Variants in RXRA observed in about 807,000 individuals in gnomAD.
RXRA encodes the protein retinoid X receptor alpha.
A neutral mutation model predicts 44.5 loss-of-function variants in RXRA; 5 were observed. The observed-to-expected ratio is 0.11, with a 90% CI of 0.06 to 0.24. The LOEUF (loss-of-function observed/expected upper bound fraction) is 0.24. Ranked by LOEUF, RXRA falls within the 10% of genes least tolerant of loss-of-function variation. RXRA has a pLI of 1.00. For missense variants in RXRA, 412 were observed against 646.5 expected (o/e 0.64, Z 3.93); for synonymous variants, 291 against 271.4 (o/e 1.07, Z -0.71).
chr9:134,361,548 C>G (rs1260703825), intron 1 of RXRA, among the ~76,000 whole-genome samples: 1 of 152,232 alleles, frequency 6.6e-6, no homozygotes, highest in Non-Finnish European at 1.5e-5. Context: ...GGTGTTGCGT[C>G]TCCTGAGACT....
At chr9:134,401,190 A>G (rs1231744814) in intron 1 of RXRA, among the ~76,000 whole-genome samples, 2 of 152,248 alleles carry the variant, frequency 1.3e-5, no homozygotes, top group Non-Finnish European at 2.9e-5. Flanking sequence ...GCTCGGCGAC[A>G]TCAGCCTTTC....
intron 1 of RXRA, among the ~76,000 whole-genome samples, chr9:134,338,048 C>CG (rs1564259625): frequency 6.6e-6 from 1 of 152,094 alleles, no homozygotes; most frequent in Non-Finnish European, 1.5e-5. Context: ...GCCAGGCCAG[C>CG]GGGGGAGATG....
At position 134,401,891 on chromosome 9, in the gene RXRA, G is replaced by A. The variant is rs1299083526; in HGVS notation, c.279+9G>A. 14 of 1,592,894 alleles carry A rather than the reference G, an allele frequency of 8.8e-6. No homozygotes were observed. Among genetic ancestry groups the A allele is most frequent in the South Asian group, 3.3e-5 (3 of 89,772 alleles). Reference sequence around the variant, plus strand: ...GCACTGGCAGCCCCCAGGTGAGTGCGGGGCTGGGGCAAGGGGAGGGGGTGG... The same window carrying A: ...GCACTGGCAGCCCCCAGGTGAGTGCAGGGCTGGGGCAAGGGGAGGGGGTGG... On this transcript the variant is annotated intron_variant, in intron 2 of 9. Transcript: ENST00000481739.
intron 1 of RXRA, among the ~76,000 whole-genome samples, chr9:134,353,851 G>A (rs1000578133): frequency 6.6e-6 from 1 of 152,212 alleles, no homozygotes; most frequent in East Asian, 1.9e-4. Flanking sequence ...TCCAGCAGCC[G>A]TACTCATCCA....
intron 3 of RXRA, among the ~76,000 whole-genome samples, chr9:134,408,719 C>G (rs916028321): frequency 6.6e-6 from 1 of 152,210 alleles, no homozygotes; most frequent in African/African-American, 2.4e-5. Context: ...GCCCTGGTCC[C>G]TGGTGGGCTG....
At chr9:134,427,563 G>A (rs1831455684) in intron 6 of RXRA, among the ~76,000 whole-genome samples, 1 of 152,230 alleles carries the variant, frequency 6.6e-6, no homozygotes, top group South Asian at 2.1e-4. Context: ...TGCCTGGTCT[G>A]TCAGCACACC....
chr9:134,354,771 T>C (rs568990010), intron 1 of RXRA, among the ~76,000 whole-genome samples: 1 of 152,352 alleles, frequency 6.6e-6, no homozygotes, highest in African/African-American at 2.4e-5. Context: ...GGGCCAAACC[T>C]GCCTCCGCTG....
Position 134,417,088 on chromosome 9 carries a change from C to T in RXRA, c.611-70C>T. 6.6e-7 allele frequency: 1 copy of T among 1,517,202 alleles called. No individual in the cohort carries two copies. Among genetic ancestry groups the T allele is most frequent in the Non-Finnish European group, 8.8e-7 (1 of 1,130,028 alleles). 94.0% of individuals were successfully genotyped at this position (1,517,202 alleles called of 1,614,324 possible). The stretch of plus-strand genomic sequence containing the variant: ...TGGCTGGGAGCTGGCACCACCCGGC[C>T]AGGACAGCCTTCCCTGGGAGCCACT... On this transcript the variant is annotated intron_variant, in intron 4 of 9. Transcript: ENST00000481739. This position sits in a 1 kb window ranked among gnomAD's most constrained non-coding sequence, Gnocchi z 6.1.
intron 1 of RXRA, among the ~76,000 whole-genome samples, chr9:134,376,557 G>A (rs1830560039): frequency 8.0e-5 from 1 of 12,564 alleles, no homozygotes; most frequent in African/African-American, 2.0e-4. Context: ...GCGTGGCCTC[G>A]GCCAGGGCGA....
At chr9:134,352,913 G>A (rs1830239204) in intron 1 of RXRA, among the ~76,000 whole-genome samples, 1 of 152,194 alleles carries the variant, frequency 6.6e-6, no homozygotes, top group Non-Finnish European at 1.5e-5. Context: ...GAGGAAGTAC[G>A]TCCTCAGCCT....
At chr9:134,331,876 C>CCTGG (rs1554746690) in intron 1 of RXRA, among the ~76,000 whole-genome samples, 1 of 152,216 alleles carries the variant, frequency 6.6e-6, no homozygotes, top group Non-Finnish European at 1.5e-5. Context: ...CCTCCTGCCT[C>CCTGG]TCAGCATCCT....
intron 4 of RXRA, among the ~76,000 whole-genome samples, chr9:134,415,392 CG>C (rs1831216935): frequency 8.1e-6 from 1 of 123,100 alleles, no homozygotes; most frequent in Admixed American, 1.0e-4. Context: ...GACACCGTGG[CG>C]GGTAGGGGCA....
At chr9:134,422,753 C>G (rs1831369451) in intron 6 of RXRA, 3 of 985,348 alleles carry the variant, frequency 3.0e-6, no homozygotes, top group South Asian at 9.4e-5. Context: ...CTCAGTTTCC[C>G]TCCATCCCTC....
At chr9:134,398,376 C>CGTGGAT (rs1413558552) in intron 1 of RXRA, among the ~76,000 whole-genome samples, 5 of 152,224 alleles carry the variant, frequency 3.3e-5, no homozygotes, top group African/African-American at 4.8e-5. Context: ...AGCCCACACA[C>CGTGGAT]GGGGCCCTTT....
chr9:134,406,445 A>G (rs991193326), intron 2 of RXRA: 1 of 151,814 alleles, frequency 6.6e-6, no homozygotes, highest in Non-Finnish European at 1.5e-5. Flanking sequence ...ACATGGTTCC[A>G]GTTTTGCCGA....
chr9:134,377,566 C>T (rs1830576867), intron 1 of RXRA, among the ~76,000 whole-genome samples: 1 of 152,202 alleles, frequency 6.6e-6, no homozygotes, highest in South Asian at 2.1e-4. Flanking sequence ...CCCACACCCC[C>T]AGCTCCCGCG....
At chr9:134,422,409 C>T in intron 6 of RXRA, 1 of 1,276,486 alleles carries the variant, frequency 7.8e-7, no homozygotes, top group Non-Finnish European at 1.0e-6. Flanking sequence ...CGTCCCGTGA[C>T]ATTCCACTCT....
intron 1 of RXRA, among the ~76,000 whole-genome samples, chr9:134,367,693 G>T (rs1356846412): frequency 1.3e-5 from 2 of 152,222 alleles, no homozygotes; most frequent in African/African-American, 4.8e-5. Context: ...GGTGTGTGGG[G>T]CACCATGGTC....
intron 6 of RXRA, chr9:134,422,506 C>G: frequency 8.2e-7 from 1 of 1,224,562 alleles, no homozygotes; most frequent in South Asian, 1.4e-5. Context: ...CAGGACACTC[C>G]CCTCTCCCGG....
Sources: allele counts gnomAD v4.1 joint callset (sites outside exome capture counted in the v4.1 genomes callset), GRCh38; gene constraint gnomAD v4.1.1; non-coding constraint Gnocchi (gnomAD v3.1); transcripts MANE v1.5; gene names NCBI Gene and HGNC (gene_info 2026-07-23, HGNC 2026-07-21).